Variants in MRC2 observed in about 807,000 individuals in gnomAD.
The protein encoded by MRC2 is mannose receptor C-type 2.
Under a neutral mutation model 206.2 loss-of-function variants are expected in MRC2, and 84 were observed. The observed-to-expected ratio is 0.41, with a 90% CI of 0.34 to 0.49. The LOEUF is 0.49. Ranked by LOEUF, MRC2 falls within the 20% of genes least tolerant of loss-of-function variation. MRC2 has a pLI of 0.31. For missense variants in MRC2, 1,676 were observed against 2,001.5 expected (o/e 0.84, Z 3.10); for synonymous variants, 798 against 800.0 (o/e 1.00, Z 0.04).
intron 1 of MRC2, among the ~76,000 whole-genome samples, chr17:62,654,091 C>T (rs1568055785): frequency 6.6e-6 from 1 of 152,244 alleles, no homozygotes; most frequent in South Asian, 2.1e-4. Context: ...TCTTGGCTGG[C>T]GGCCCTTTCA....
Position 62,674,078 on chromosome 17 carries a change from G to A in MRC2, c.1477G>A (p.Asp493Asn), listed in dbSNP as rs1257708019. The A allele has an allele frequency of 1.3e-6, 2 of 1,552,396 alleles. No homozygotes were observed. Among genetic ancestry groups the A allele is most frequent in the Non-Finnish European group, 8.7e-7 (1 of 1,147,448 alleles). Residue 493 changes from aspartate (D) to asparagine (N), a missense_variant, in exon 9 of 30, where the codon GAC becomes AAC. By Grantham distance (23) the Asp-to-Asn change is conservative. This residue lies in a region of MRC2 where 1,354 missense variants were observed against 1,636.6 expected (regional missense o/e 0.83). Transcript: ENST00000303375. The stretch of plus-strand genomic sequence containing the variant: ...GTGTCCGTAGGAAGGCCGCTGGAAC[G>A]ACAGTCCCTGTAACCAGTCCTTGCC... ...TIWGPEGRWN[D>N]SPCNQSLPSI... is the part of the protein sequence containing the mutation.
In MRC2 at chr17:62,663,414, A is replaced by G. The variant is rs1418698486; in HGVS notation, c.119-1134A>G. On this transcript the variant is annotated intron_variant, in intron 1 of 29. Coordinates refer to ENST00000303375, the MANE Select transcript of MRC2 (RefSeq NM_006039.5). ...TTTTTCACAGCATTGTGCAACTATC[A>G]TGACAATCTAATTTTAGAACATTTT... 2.8e-4 allele frequency among the ~76,000 whole-genome samples: 43 copies of G among 152,188 alleles called. 1 individual carries two copies. The highest frequency in any genetic ancestry group is 2.5e-3 in the Admixed American group (38 of 15,280).
intron 20 of MRC2, 38 bp downstream of exon 20, chr17:62,682,415 G>A (rs757967030): frequency 1.9e-6 from 3 of 1,582,894 alleles, no homozygotes; most frequent in Non-Finnish European, 2.6e-6. Context: ...GGAGTCAGGG[G>A]AGAGGACGTG....
intron 1 of MRC2, among the ~76,000 whole-genome samples, chr17:62,663,546 A>C (rs1306777977): frequency 1.3e-5 from 2 of 151,932 alleles, no homozygotes; most frequent in Non-Finnish European, 2.9e-5. Context: ...TTGAAGCTTC[A>C]TTTCTTACTC....
intron 20 of MRC2, among the ~76,000 whole-genome samples, chr17:62,683,267 G>A (rs1039626328): frequency 1.5e-4 from 22 of 150,304 alleles, no homozygotes; most frequent in African/African-American, 5.3e-4. Flanking sequence ...TTAGGAGTTC[G>A]AGACCAGCCT....
chr17:62,628,818 T>G (rs1165807972), intron 1 of MRC2, among the ~76,000 whole-genome samples: 10 of 135,498 alleles, frequency 7.4e-5, no homozygotes, highest in African/African-American at 8.5e-5. Context: ...CCTGGGGGAG[T>G]GGGGGTGGGG....
At chr17:62,653,575 G>A (rs890704993) in intron 1 of MRC2, among the ~76,000 whole-genome samples, 1 of 152,172 alleles carries the variant, frequency 6.6e-6, no homozygotes, top group African/African-American at 2.4e-5. Context: ...GGGGAGAAAA[G>A]CATCTCTGGA....
rs2088569360 is a variant in MRC2, at chr17:62,652,636, G to T, written c.119-11912G>T. On this transcript the variant is annotated intron_variant, in intron 1 of 29. Coordinates refer to ENST00000303375, the MANE Select transcript of MRC2 (RefSeq NM_006039.5). This position sits in a 1 kb window ranked among gnomAD's most constrained non-coding sequence, Gnocchi z 4.6. ...CGGCGCCAGGGGCAGCGGCCACGCA[G>T]ACCGGGCATTTGTCTAGCTGGGCGG... Among the ~76,000 whole-genome samples, 1 of 152,180 alleles carries T rather than the reference G, an allele frequency of 6.6e-6. No homozygotes were observed.
intron 12 of MRC2, among the ~76,000 whole-genome samples, chr17:62,677,847 C>G (rs975688064): frequency 1.3e-5 from 2 of 152,072 alleles, no homozygotes; most frequent in Non-Finnish European, 2.9e-5. Context: ...GTCAGGAGAT[C>G]GAGACCATCC....
chr17:62,677,046 G>A (rs1483259800), intron 11 of MRC2, among the ~76,000 whole-genome samples: 2 of 152,256 alleles, frequency 1.3e-5, no homozygotes, highest in Non-Finnish European at 2.9e-5. Flanking sequence ...GCTCGGTGAG[G>A]TTAAGCAGCT....
chr17:62,680,411 C>A lies in MRC2; in HGVS notation c.2438-7C>A. 6.2e-7 allele frequency: 1 copy of A among 1,614,130 alleles called. No individual in the cohort carries two copies. Among genetic ancestry groups the A allele is most frequent in the South Asian group, 1.1e-5 (1 of 91,084 alleles). On this transcript the variant is annotated splice_region_variant and splice_polypyrimidine_tract_variant and intron_variant, in intron 15 of 29. Transcript: ENST00000303375. The surrounding 1 kb of genome is among the most constrained non-coding windows in gnomAD (Gnocchi z 4.8). ...TCCTCACAACGTCTTTGTCCTTGTT[C>A]CCCTAGGTACGGACGTGCGGGAGCC...
chr17:62,676,974 C>A (rs777300824), intron 11 of MRC2, among the ~76,000 whole-genome samples: 3 of 152,200 alleles, frequency 2.0e-5, no homozygotes, highest in Non-Finnish European at 4.4e-5. Flanking sequence ...CTATTATTAC[C>A]ATTTCACATT....
At chr17:62,628,781 C>CT (rs1346933503) in intron 1 of MRC2, among the ~76,000 whole-genome samples, 3 of 151,946 alleles carry the variant, frequency 2.0e-5, no homozygotes, top group African/African-American at 7.3e-5. Flanking sequence ...CGCCAAGAAT[C>CT]TAAGAGTTGA....
intron 25 of MRC2, 42 bp downstream of exon 25, chr17:62,690,104 C>T (rs1555680447): frequency 1.0e-5 from 16 of 1,578,416 alleles, no homozygotes; most frequent in Admixed American, 6.9e-5. Context: ...GGCAAGCTGT[C>T]GGTGGCCCCG....
Position 62,659,503 on chromosome 17 carries a change from G to A in MRC2, c.119-5045G>A, listed in dbSNP as rs142584986. Among the ~76,000 whole-genome samples the A allele has an allele frequency of 5.5e-3, 827 of 151,242 alleles. 10 individuals are homozygous for A. The highest frequency in any genetic ancestry group is 0.019 in the African/African-American group (767 of 41,154). ...GGTTGCAGCAGTGAGCAGAGATCGCGCCACTGCACTCCAGCTGGGGCAACA... is the reference window on the plus strand; with the variant it reads ...GGTTGCAGCAGTGAGCAGAGATCGCACCACTGCACTCCAGCTGGGGCAACA... On this transcript the variant is annotated intron_variant, in intron 1 of 29. Coordinates refer to ENST00000303375, the MANE Select transcript of MRC2 (RefSeq NM_006039.5).
chr17:62,688,191 C>T (rs565087250), intron 20 of MRC2, 98 bp from the exon 21 acceptor site: 2 of 996,612 alleles, frequency 2.0e-6, no homozygotes, highest in Admixed American at 2.2e-5. Context: ...CCCTCAAAGG[C>T]CCCCCAGGAC....
intron 1 of MRC2, among the ~76,000 whole-genome samples, chr17:62,637,610 C>T (rs2088340715): frequency 6.6e-6 from 1 of 151,996 alleles, no homozygotes; most frequent in African/African-American, 2.4e-5. Flanking sequence ...AGCTGAGCTC[C>T]TTACCGTTCC....
At chr17:62,679,950 G>C in intron 14 of MRC2, 48 bp downstream of exon 14, 1 of 1,550,088 alleles carries the variant, frequency 6.5e-7, no homozygotes, top group South Asian at 1.2e-5. Flanking sequence ...GAGCTTGGTG[G>C]GCGGGGCCTG....
intron 1 of MRC2, among the ~76,000 whole-genome samples, chr17:62,657,939 C>T (rs1384414863): frequency 1.3e-5 from 2 of 152,086 alleles, no homozygotes; most frequent in East Asian, 3.9e-4. Flanking sequence ...CAGAGTCCCC[C>T]CGGATCCACC....
Sources: allele counts gnomAD v4.1 joint callset (sites outside exome capture counted in the v4.1 genomes callset), GRCh38; gene constraint gnomAD v4.1.1; regional missense constraint gnomAD v4.1.1; non-coding constraint Gnocchi (gnomAD v3.1); transcripts MANE v1.5; gene names NCBI Gene and HGNC (gene_info 2026-07-23, HGNC 2026-07-21).